The following FKBP5 variants were observed in gnomAD, a reference collection of about 807,000 sequenced individuals.
FKBP5 encodes the protein peptidyl-prolyl cis-trans isomerase FKBP5.
A neutral mutation model predicts 50.5 loss-of-function variants in FKBP5; 23 were observed. The observed-to-expected ratio is 0.46, with a 90% CI of 0.33 to 0.65. The LOEUF (loss-of-function observed/expected upper bound fraction) is 0.65, where lower values mean the gene tolerates loss of function less well. FKBP5 is among the 30% of genes least tolerant of loss of function. The pLI, the probability that FKBP5 is intolerant of heterozygous loss-of-function variation, is 0.02. For missense variants in FKBP5, 411 were observed against 553.1 expected (o/e 0.74, Z 2.58); for synonymous variants, 176 against 190.6 (o/e 0.92, Z 0.63).
At chr6:35,580,463 C>T (rs1295069023) in intron 8 of FKBP5, 1 of 390,722 alleles carries the variant, frequency 2.6e-6, no homozygotes, top group East Asian at 3.9e-5. Context: ...CCATCCGTCC[C>T]TTCAGCAGGT....
chr6:35,708,875 A>C (rs897105410), intron 2 of FKBP5, among the ~76,000 whole-genome samples: 2 of 152,166 alleles, frequency 1.3e-5, no homozygotes, highest in African/African-American at 4.8e-5. Flanking sequence ...AAAATGACAG[A>C]AGGATCCTAG....
chr6:35,716,586 C>T (rs2151023413), intron 2 of FKBP5, among the ~76,000 whole-genome samples: 1 of 152,216 alleles, frequency 6.6e-6, no homozygotes, highest in African/African-American at 2.4e-5. Flanking sequence ...ATTTCTGTGC[C>T]ACCCCTCACC....
rs138899583 is a variant in FKBP5, at chr6:35,609,496, C to T, written c.508+9600G>A. On this transcript the variant is annotated intron_variant, in intron 5 of 10. Transcript: ENST00000357266. ...AAGCTGCAGAATTCAGAAATTTCACCAGGATATATCTGGGTGAAAAACCAC... is the reference window on the plus strand; with the variant it reads ...AAGCTGCAGAATTCAGAAATTTCACTAGGATATATCTGGGTGAAAAACCAC... 4.2e-3 allele frequency among the ~76,000 whole-genome samples: 643 copies of T among 152,216 alleles called. 3 individuals carry two copies. Among genetic ancestry groups the T allele is most frequent in the African/African-American group, 0.014 (578 of 41,538 alleles).
upstream of FKBP5, among the ~76,000 whole-genome samples, chr6:35,692,605 C>T (rs1262881104): frequency 6.6e-6 from 1 of 151,980 alleles, no homozygotes; most frequent in African/African-American, 2.4e-5. Flanking sequence ...TCGAGACCAG[C>T]CTGGCCAACA....
At position 35,604,830 on chromosome 6, in the gene FKBP5, G is replaced by A. The variant is rs372059876; in HGVS notation, c.509-7426C>T. 5.6e-4 allele frequency among the ~76,000 whole-genome samples: 85 copies of A among 150,706 alleles called. 1 individual carries two copies. In the South Asian group the frequency reaches 0.017, roughly 30 times the overall value. On this transcript the variant is annotated intron_variant, in intron 5 of 10. Coordinates refer to ENST00000357266, the MANE Select transcript of FKBP5 (RefSeq NM_004117.4). ...TTTTGAGATGGAGTCTCGCTCTGTT[G>A]CCCAGGCTGGAGTGCAGTGGTGTGA...
rs1762178189 is a variant in FKBP5, at chr6:35,575,309, C to G, written c.*526G>C. The G allele has an allele frequency of 6.5e-6, 1 of 153,496 alleles. No homozygotes were observed. The highest frequency in any genetic ancestry group is 1.5e-5 in the Non-Finnish European group (1 of 68,660). 9.5% of individuals were successfully genotyped at this position (153,496 alleles called of 1,614,324 possible). ...GCTGTGGAACTGGGGAGACATGAGA[C>G]CCCTCTACTGTGGGTTCTGTTGGTT... On this transcript the variant is annotated 3_prime_UTR_variant, in exon 11 of 11. Transcript: ENST00000357266.
intron 7 of FKBP5, 108 bp downstream of exon 7, chr6:35,591,022 G>T: frequency 1.5e-6 from 1 of 659,540 alleles, no homozygotes. Context: ...ACTTGATAAT[G>T]AATAAACACC....
intron 5 of FKBP5, among the ~76,000 whole-genome samples, chr6:35,616,096 C>T (rs1763646778): frequency 6.6e-6 from 1 of 151,980 alleles, no homozygotes; most frequent in Non-Finnish European, 1.5e-5. Flanking sequence ...GTGTATCACC[C>T]AAGGTCAGGA....
intron 2 of FKBP5, among the ~76,000 whole-genome samples, chr6:35,706,778 C>T (rs999978425): frequency 2.0e-5 from 3 of 152,126 alleles, no homozygotes; most frequent in Non-Finnish European, 4.4e-5. Flanking sequence ...ATGTTCTCTG[C>T]GGTATTTGTA....
intron 1 of FKBP5, among the ~76,000 whole-genome samples, chr6:35,673,528 C>A (rs768794313): frequency 1.3e-5 from 2 of 151,954 alleles, no homozygotes; most frequent in Non-Finnish European, 2.9e-5. Context: ...CAGAGCAAGA[C>A]CCTGTCTCAA....
chr6:35,720,829 C>A (rs1459759360), intron 1 of FKBP5, among the ~76,000 whole-genome samples: 1 of 152,172 alleles, frequency 6.6e-6, no homozygotes, highest in Non-Finnish European at 1.5e-5. Flanking sequence ...CACAGGTACC[C>A]CATTCCGGGC....
rs1207068399 is a variant in FKBP5 at position 35,642,855 on chromosome 6, A to G, written c.-19-12T>C. On this transcript the variant is annotated splice_polypyrimidine_tract_variant and intron_variant, in intron 1 of 10. Coordinates refer to ENST00000357266, the MANE Select transcript of FKBP5 (RefSeq NM_004117.4). ...TTTAAGTAGAGAACCTGGTAAGAAG[A>G]AAAATATTTTAGCTGGGAAAAATAT... The G allele has an allele frequency of 6.3e-7, 1 of 1,578,432 alleles. No homozygotes were observed. Among genetic ancestry groups the G allele is most frequent in the African/African-American group, 1.4e-5 (1 of 73,716 alleles).
intron 1 of FKBP5, among the ~76,000 whole-genome samples, chr6:35,727,651 C>G (rs1167673205): frequency 2.6e-5 from 4 of 152,334 alleles, no homozygotes; most frequent in African/African-American, 9.6e-5. Context: ...GAATTGGCCC[C>G]CTCAACACGG....
intron 1 of FKBP5, among the ~76,000 whole-genome samples, chr6:35,678,810 A>C (rs1298461893): frequency 6.6e-6 from 1 of 152,236 alleles, no homozygotes; most frequent in Non-Finnish European, 1.5e-5. Flanking sequence ...GGCTGGACAC[A>C]GTGGCTCATG....
In FKBP5 at chr6:35,594,294, C is replaced by T. The variant is rs560054896; in HGVS notation, c.665+2954G>A. On this transcript the variant is annotated intron_variant, in intron 6 of 10. Coordinates refer to ENST00000357266, the MANE Select transcript of FKBP5 (RefSeq NM_004117.4). Reference sequence around the variant, plus strand: ...CCTTGAGCCCAGGAGTTCGAGGCTACAGATTATGCCACCCTACTCCAGCCT... The same window carrying T: ...CCTTGAGCCCAGGAGTTCGAGGCTATAGATTATGCCACCCTACTCCAGCCT... Among the ~76,000 whole-genome samples, 134 of 151,764 alleles carry T rather than the reference C, an allele frequency of 8.8e-4. 1 individual carries two copies. The highest frequency in any genetic ancestry group is 3.1e-3 in the African/African-American group (129 of 41,360).
intron 6 of FKBP5, among the ~76,000 whole-genome samples, chr6:35,593,549 T>C (rs1762885750): frequency 6.6e-6 from 1 of 152,002 alleles, no homozygotes; most frequent in East Asian, 1.9e-4. Context: ...CTCTTGGTAG[T>C]CTGTTTTTTT....
chr6:35,666,655 C>A (rs913972381), intron 1 of FKBP5, among the ~76,000 whole-genome samples: 4 of 152,048 alleles, frequency 2.6e-5, no homozygotes, highest in Admixed American at 2.0e-4. Flanking sequence ...CTTTGGGAAG[C>A]TGAGGCAGGC....
At chr6:35,615,859 T>C (rs1763637035) in intron 5 of FKBP5, among the ~76,000 whole-genome samples, 1 of 152,170 alleles carries the variant, frequency 6.6e-6, no homozygotes, top group Non-Finnish European at 1.5e-5. Flanking sequence ...TGTTCGAAGG[T>C]AACATCACCA....
intron 5 of FKBP5, among the ~76,000 whole-genome samples, chr6:35,617,096 T>C (rs1763682494): frequency 6.6e-6 from 1 of 152,096 alleles, no homozygotes; most frequent in South Asian, 2.1e-4. Flanking sequence ...CAACTCCTAG[T>C]CTGGAGCTAT....
Sources: gnomAD v4.1 joint callset for allele counts (sites outside exome capture counted in the v4.1 genomes callset) on GRCh38, gnomAD v4.1.1 for gene constraint, MANE v1.5 for transcripts, NCBI Gene and HGNC (gene_info 2026-07-23, HGNC 2026-07-21) for gene names.